The following RASA2 variants were observed in gnomAD, a reference collection of about 807,000 sequenced individuals.
RASA2 encodes the protein ras GTPase-activating protein 2.
In RASA2, 155 loss-of-function variants were observed where a neutral mutation model predicts 118.2. The observed-to-expected ratio is 1.31, with a 90% CI of 1.15 to 1.50. RASA2 has a LOEUF of 1.50. Among genes scored for constraint, RASA2 ranks in the 40% most tolerant of loss-of-function variants. The pLI, the probability that RASA2 is intolerant of heterozygous loss-of-function variation, is 0.00. For missense variants in RASA2, 1,016 were observed against 1,009.6 expected, an observed-to-expected ratio of 1.01 and a Z score of -0.09; for synonymous variants, 353 against 349.1, an observed-to-expected ratio of 1.01 and a Z score of -0.12.
intron 1 of RASA2, 21 bp downstream of exon 1, chr3:141,487,237 G>A: frequency 7.5e-7 from 1 of 1,338,274 alleles, no homozygotes; most frequent in Non-Finnish European, 9.6e-7. Context: ...GCTGGGCTGA[G>A]GGGACGCCCT....
chr3:141,513,230 T>C (rs997808588), intron 2 of RASA2, among the ~76,000 whole-genome samples: 1 of 151,688 alleles, frequency 6.6e-6, no homozygotes, highest in African/African-American at 2.4e-5. Context: ...AAAATATCTT[T>C]CTTTTACATT....
In RASA2 at chr3:141,572,029, CATATATATATATATATAT is replaced by C. The variant is rs10568210; in HGVS notation, c.1169+491_1169+508del. ...AACATGATTTGCCTTTTTAAAAAAA[CATATATATATATATATAT>C]ATATATATATATATACACACACACA... On this transcript the variant is annotated intron_variant, in intron 11 of 23. Transcript: ENST00000286364. 1.6e-4 allele frequency among the ~76,000 whole-genome samples: 19 copies of C among 121,452 alleles called. 1 individual carries two copies. The South Asian group carries it at 2.6e-3, about 17-fold the overall frequency. The allele number at this position is 121,452 out of a possible 152,430, so 79.7% of individuals were successfully genotyped here.
intron 7 of RASA2, among the ~76,000 whole-genome samples, chr3:141,557,169 G>A (rs1464731206): frequency 6.6e-6 from 1 of 152,216 alleles, no homozygotes; most frequent in Non-Finnish European, 1.5e-5. Context: ...CCTGCCTGCT[G>A]TAGCAGGAGT....
chr3:141,527,987 A>G (rs183879047), intron 3 of RASA2, among the ~76,000 whole-genome samples: 4 of 152,126 alleles, frequency 2.6e-5, no homozygotes, highest in Admixed American at 2.6e-4. Flanking sequence ...TTTGATCTTC[A>G]ATTACATTTT....
intron 11 of RASA2, 97 bp from the exon 12 acceptor site, chr3:141,572,512 C>T: frequency 1.2e-6 from 1 of 823,568 alleles, no homozygotes; most frequent in Non-Finnish European, 2.0e-6. Flanking sequence ...TAATCTATTT[C>T]AGCTAAATGC....
intron 5 of RASA2, among the ~76,000 whole-genome samples, chr3:141,546,691 G>T (rs979064289): frequency 6.6e-6 from 1 of 152,086 alleles, no homozygotes; most frequent in Non-Finnish European, 1.5e-5. Flanking sequence ...TTTTTAACTT[G>T]GTGTGATCCC....
intron 17 of RASA2, among the ~76,000 whole-genome samples, chr3:141,582,245 A>C (rs1319788544): frequency 6.6e-6 from 1 of 152,216 alleles, no homozygotes; most frequent in African/African-American, 2.4e-5. Context: ...ATGATGATTT[A>C]AAAAATTCAA....
intron 5 of RASA2, among the ~76,000 whole-genome samples, chr3:141,551,388 C>T (rs962177691): frequency 6.6e-6 from 1 of 152,160 alleles, no homozygotes; most frequent in Non-Finnish European, 1.5e-5. Context: ...GTTTTAGGAA[C>T]TATTGCCTCT....
intron 5 of RASA2, among the ~76,000 whole-genome samples, chr3:141,547,752 G>T (rs957367590): frequency 1.3e-5 from 2 of 152,108 alleles, no homozygotes; most frequent in Admixed American, 6.6e-5. Context: ...GGGCATCCTT[G>T]TCATGTTCCA....
chr3:141,607,642 T>C, intron 19 of RASA2, 36 bp from the exon 20 acceptor site: 1 of 1,530,924 alleles, frequency 6.5e-7, no homozygotes, highest in South Asian at 1.3e-5. Flanking sequence ...CTGATGGAAA[T>C]TACTTTAATT....
chr3:141,520,625 C>T (rs1276709336), intron 3 of RASA2, among the ~76,000 whole-genome samples: 2 of 149,598 alleles, frequency 1.3e-5, no homozygotes, highest in African/African-American at 5.0e-5. Context: ...ATATGATATA[C>T]AGTTATATAT....
intron 19 of RASA2, among the ~76,000 whole-genome samples, chr3:141,589,381 CTTCT>C (rs1241229787): frequency 3.3e-5 from 5 of 152,130 alleles, no homozygotes; most frequent in Non-Finnish European, 7.4e-5. Flanking sequence ...GGTTTATAAT[CTTCT>C]TTAAGAATTA....
chr3:141,491,533 C>G (rs765660273), intron 1 of RASA2, among the ~76,000 whole-genome samples: 5 of 151,976 alleles, frequency 3.3e-5, no homozygotes, highest in Non-Finnish European at 5.9e-5. Context: ...TAGAATATGC[C>G]CTACCTCACA....
chr3:141,511,645 T>C (rs917766050), intron 1 of RASA2, among the ~76,000 whole-genome samples: 1 of 152,188 alleles, frequency 6.6e-6, no homozygotes, highest in Non-Finnish European at 1.5e-5. Context: ...AGTGGCATGG[T>C]GGGGTCAGAA....
chr3:141,582,143 G>A (rs1354506171), intron 17 of RASA2, among the ~76,000 whole-genome samples: 1 of 152,174 alleles, frequency 6.6e-6, no homozygotes, highest in African/African-American at 2.4e-5. Flanking sequence ...AGCACAACTA[G>A]CAGTTGGTTG....
chr3:141,549,676 T>C (rs1048941309), intron 5 of RASA2, among the ~76,000 whole-genome samples: 1 of 152,170 alleles, frequency 6.6e-6, no homozygotes, highest in African/African-American at 2.4e-5. Flanking sequence ...TTTATTTAAT[T>C]TTAATTAAAT....
chr3:141,559,831 T>C, intron 8 of RASA2, 63 bp from the exon 9 acceptor site: 1 of 1,339,030 alleles, frequency 7.5e-7, no homozygotes, highest in Non-Finnish European at 1.1e-6. Flanking sequence ...TTTGAAGCTG[T>C]TTTGTGGTGT....
chr3:141,600,453 G>T (rs1047337809), intron 19 of RASA2: 2 of 399,796 alleles, frequency 5.0e-6, no homozygotes, highest in South Asian at 2.0e-5. Context: ...TAAGGAGCAG[G>T]TTGCGCTCCT....
rs1019773971 is a variant in RASA2 at position 141,601,179 on chromosome 3, C to G, written c.1934-6499C>G. On this transcript the variant is annotated intron_variant, in intron 19 of 23. Coordinates refer to ENST00000286364, the MANE Select transcript of RASA2 (RefSeq NM_006506.5). ...ACAGTGGCTCACACCTGTACCCTAG[C>G]ACTTTGAGAGGCTGCGGCAGACAGA... 2.6e-5 allele frequency among the ~76,000 whole-genome samples: 4 copies of G among 152,284 alleles called. 1 individual carries two copies. The South Asian group carries it at 8.3e-4, about 32-fold the overall frequency.
Sources: gnomAD v4.1 joint callset for allele counts (sites outside exome capture counted in the v4.1 genomes callset) on GRCh38, gnomAD v4.1.1 for gene constraint, MANE v1.5 for transcripts, NCBI Gene and HGNC (gene_info 2026-07-23, HGNC 2026-07-21) for gene names.